PTPRD: variants seen among roughly 807,000 people sequenced by gnomAD.
The protein encoded by PTPRD is protein tyrosine phosphatase receptor type D.
A neutral mutation model predicts 214.5 loss-of-function variants in PTPRD; 34 were observed. The ratio of observed to expected loss-of-function variants is 0.16; its 90% confidence interval spans 0.12 to 0.21. The LOEUF (loss-of-function observed/expected upper bound fraction) is 0.21, where lower values mean the gene tolerates loss of function less well. Among genes scored for constraint, PTPRD ranks in the 10% least tolerant of loss-of-function variants. PTPRD has a pLI of 1.00. For synonymous variants in PTPRD, 1,128 were observed against 845.7 expected (o/e 1.33, Z -5.79); for missense variants, 2,545 against 2,398.7 (o/e 1.06, Z -1.27).
rs541675754 is a variant in PTPRD, at chr9:10,505,711, A to C, written c.-600+106687T>G. 4.6e-5 allele frequency among the ~76,000 whole-genome samples: 7 copies of C among 152,276 alleles called. No homozygotes were observed. The South Asian group carries it at 1.4e-3, about 32-fold the overall frequency. On this transcript the variant is annotated intron_variant, in intron 2 of 45. Transcript: ENST00000381196. ...TTAAAAAAAAAAAAACTGCAGATTA[A>C]ACCCAGCTATAGTTCCATGTTATCA...
intron 4 of PTPRD, among the ~76,000 whole-genome samples, chr9:9,980,628 AAAAAAAC>A (rs1295352740): frequency 0.096 from 9,273 of 96,884 alleles, 2,820 homozygotes; most frequent in Non-Finnish European, 0.13. Flanking sequence ...CAAAAAAAAA[AAAAAAAC>A]AAAAAAAAAA....
At chr9:8,421,369 CT>C (rs112644012) in intron 35 of PTPRD, among the ~76,000 whole-genome samples, 37 of 118,514 alleles carry the variant, frequency 3.1e-4, no homozygotes, top group Non-Finnish European at 5.7e-4. Context: ...CTTCTCTTCT[CT>C]TCTCTCTCTC....
At chr9:10,544,242 A>C (rs2059741206) in intron 2 of PTPRD, among the ~76,000 whole-genome samples, 1 of 152,106 alleles carries the variant, frequency 6.6e-6, no homozygotes, top group Non-Finnish European at 1.5e-5. Flanking sequence ...CTAGAAATAA[A>C]GTGCTAAGGA....
chr9:10,083,033 A>AT (rs771890446), intron 3 of PTPRD, among the ~76,000 whole-genome samples: 5 of 151,974 alleles, frequency 3.3e-5, no homozygotes, highest in Non-Finnish European at 7.4e-5. Flanking sequence ...TTCTTATTTG[A>AT]TTTTTTGAAC....
At chr9:8,966,354 A>G (rs76452270) in intron 11 of PTPRD, among the ~76,000 whole-genome samples, 2,129 of 152,222 alleles carry the variant, frequency 0.014, 69 homozygotes, top group South Asian at 0.13. Context: ...AAACTATACT[A>G]TAAGTCTACA....
chr9:9,196,181 A>G (rs1264797786), intron 9 of PTPRD, among the ~76,000 whole-genome samples: 1 of 152,166 alleles, frequency 6.6e-6, no homozygotes, highest in Non-Finnish European at 1.5e-5. Context: ...ACATTGTGAA[A>G]CTCACACGAT....
At chr9:9,414,526 A>C (rs2076435702) in intron 8 of PTPRD, among the ~76,000 whole-genome samples, 1 of 152,180 alleles carries the variant, frequency 6.6e-6, no homozygotes. Flanking sequence ...CCAGGGATAT[A>C]TCCTAGGGAT....
chr9:8,501,388 C>G (rs1207203937), intron 23 of PTPRD, among the ~76,000 whole-genome samples: 1 of 152,084 alleles, frequency 6.6e-6, no homozygotes, highest in Non-Finnish European at 1.5e-5. Flanking sequence ...CTCAGTATCT[C>G]CCACCCCCAC....
chr9:8,990,862 C>T (rs898627705), intron 11 of PTPRD, among the ~76,000 whole-genome samples: 1 of 152,030 alleles, frequency 6.6e-6, no homozygotes, highest in Non-Finnish European at 1.5e-5. Context: ...AGATTATACT[C>T]TTTTGGTCCA....
chr9:9,314,415 T>A (rs1435310784), intron 9 of PTPRD, among the ~76,000 whole-genome samples: 1 of 152,124 alleles, frequency 6.6e-6, no homozygotes, highest in African/African-American at 2.4e-5. Context: ...GGAATTTAAA[T>A]GGACATAAAT....
intron 10 of PTPRD, among the ~76,000 whole-genome samples, chr9:9,139,099 T>TC (rs1031808340): frequency 3.1e-4 from 42 of 134,454 alleles, no homozygotes; most frequent in Admixed American, 6.0e-4. Context: ...GGAGCCCCCC[T>TC]CCCCCCCGCC....
intron 5 of PTPRD, among the ~76,000 whole-genome samples, chr9:9,923,386 G>A (rs553125699): frequency 6.7e-6 from 1 of 150,270 alleles, no homozygotes; most frequent in African/African-American, 2.5e-5. Context: ...AATGCAGAAG[G>A]TCCAATGGCT....
chr9:8,548,135 C>G (rs571205158), intron 14 of PTPRD, among the ~76,000 whole-genome samples: 1 of 152,136 alleles, frequency 6.6e-6, no homozygotes, highest in Non-Finnish European at 1.5e-5. Context: ...AGTAAAGGGC[C>G]TTCAAGGCAC....
intron 14 of PTPRD, among the ~76,000 whole-genome samples, chr9:8,549,387 T>C (rs1030752849): frequency 6.6e-6 from 1 of 152,084 alleles, no homozygotes; most frequent in South Asian, 2.1e-4. Flanking sequence ...AAGGTCAAGA[T>C]TTGTGTTTCT....
chr9:9,917,300 C>A (rs1160982389), intron 5 of PTPRD, among the ~76,000 whole-genome samples: 6 of 28,390 alleles, frequency 2.1e-4, no homozygotes, highest in South Asian at 1.3e-3. Context: ...ATTAGCTAGA[C>A]TGAAAAAAAA....
intron 35 of PTPRD, among the ~76,000 whole-genome samples, chr9:8,420,038 CT>C (rs1376089268): frequency 1.3e-5 from 2 of 152,124 alleles, no homozygotes; most frequent in African/African-American, 4.8e-5. Context: ...CCCATCACCC[CT>C]CACATGGTAC....
chr9:9,054,293 A>G (rs920339623), intron 10 of PTPRD, among the ~76,000 whole-genome samples: 1 of 152,172 alleles, frequency 6.6e-6, no homozygotes, highest in African/African-American at 2.4e-5. Flanking sequence ...AATTCAATAT[A>G]TTGAGACACT....
intron 11 of PTPRD, among the ~76,000 whole-genome samples, chr9:8,756,694 G>C (rs1020694065): frequency 2.0e-5 from 3 of 151,678 alleles, no homozygotes; most frequent in Non-Finnish European, 4.4e-5. Context: ...AGTGAAAGGA[G>C]GTAAAAATCC....
chr9:8,732,786 A>G (rs2098674140), intron 12 of PTPRD, among the ~76,000 whole-genome samples: 1 of 152,210 alleles, frequency 6.6e-6, no homozygotes, highest in Admixed American at 6.5e-5. Context: ...ATTCCTGTCA[A>G]AATGCAATTA....
Sources: allele counts gnomAD v4.1 joint callset (sites outside exome capture counted in the v4.1 genomes callset), GRCh38; gene constraint gnomAD v4.1.1; transcripts MANE v1.5; gene names NCBI Gene and HGNC (gene_info 2026-07-23, HGNC 2026-07-21).